Variants in AP3B1 observed in about 807,000 individuals in gnomAD.
AP3B1 encodes the protein AP-3 complex subunit beta-1.
Under a neutral mutation model 132.5 loss-of-function variants are expected in AP3B1, and 61 were observed. That is an observed-to-expected ratio of 0.46 (90% CI 0.37 to 0.57). AP3B1 has a LOEUF of 0.57. Ranked by LOEUF, AP3B1 falls within the 20% of genes least tolerant of loss-of-function variation. The pLI is 0.00. For synonymous variants in AP3B1, 388 were observed against 438.3 expected, an observed-to-expected ratio of 0.89 and a Z score of 1.43; for missense variants, 1,120 against 1,289.4, an observed-to-expected ratio of 0.87 and a Z score of 2.01.
intron 12 of AP3B1, among the ~76,000 whole-genome samples, chr5:78,163,634 A>T (rs1580429003): frequency 6.8e-6 from 1 of 147,362 alleles, no homozygotes; most frequent in African/African-American, 2.5e-5. Flanking sequence ...GTATATATAT[A>T]GTATACATAT....
At chr5:78,182,118 A>G (rs1744397586) in intron 7 of AP3B1, among the ~76,000 whole-genome samples, 1 of 152,222 alleles carries the variant, frequency 6.6e-6, no homozygotes, top group Non-Finnish European at 1.5e-5. Flanking sequence ...ACACGAAAAA[A>G]CTAGTGTTGT....
chr5:78,099,434 T>A (rs1236502491), intron 21 of AP3B1, among the ~76,000 whole-genome samples: 1 of 152,118 alleles, frequency 6.6e-6, no homozygotes, highest in African/African-American at 2.4e-5. Flanking sequence ...GAAATGTGGA[T>A]AACAAGAAGA....
At chr5:78,007,012 G>A (rs575232594) in intron 26 of AP3B1, among the ~76,000 whole-genome samples, 27 of 151,902 alleles carry the variant, frequency 1.8e-4, no homozygotes, top group Admixed American at 9.8e-4. Context: ...TATAAAAACA[G>A]ACCAAATAGC....
chr5:78,177,269 G>T, intron 9 of AP3B1, 70 bp downstream of exon 9: 1 of 1,044,206 alleles, frequency 9.6e-7, no homozygotes, highest in Non-Finnish European at 1.5e-6. Flanking sequence ...ATGCCTGAAA[G>T]ATTACATTTG....
chr5:78,229,091 C>T (rs968767560), intron 3 of AP3B1, among the ~76,000 whole-genome samples: 1 of 152,048 alleles, frequency 6.6e-6, no homozygotes, highest in African/African-American at 2.4e-5. Context: ...CACCACCACA[C>T]CCGGCTTTTT....
At chr5:78,135,716 C>A (rs1752884308) in intron 15 of AP3B1, among the ~76,000 whole-genome samples, 1 of 152,166 alleles carries the variant, frequency 6.6e-6, no homozygotes, top group Admixed American at 6.5e-5. Context: ...CTTATCACTA[C>A]ATTTAAAAGA....
intron 24 of AP3B1, among the ~76,000 whole-genome samples, chr5:78,029,740 G>A (rs534584175): frequency 3.4e-4 from 51 of 152,048 alleles, no homozygotes; most frequent in Non-Finnish European, 6.5e-4. Flanking sequence ...GGCCTCGAGG[G>A]ATCCTCCCAC....
At position 78,110,312 on chromosome 5, in the gene AP3B1, A is replaced by T. The variant is rs200189248; in HGVS notation, c.2292T>A (p.Thr764=). The change falls in exon 20 of 27, where the codon ACT becomes ACA. Residue 764 remains threonine (T), a synonymous_variant. Coordinates refer to ENST00000255194, the MANE Select transcript of AP3B1 (RefSeq NM_003664.5). ...DGEKENEKSK[T]SDSSNDESSS... is the part of the protein sequence containing the mutation. ...TAGATTCGTCATTTGAAGAATCTGA[A>T]GTTTTAGATTTTTCATTTTCCTTCT... 1 of 1,609,894 alleles carries T rather than the reference A, an allele frequency of 6.2e-7. No individual in the cohort carries two copies. The highest frequency in any genetic ancestry group is 1.1e-5 in the South Asian group (1 of 90,582).
chr5:78,058,500 A>C (rs1748909754), intron 22 of AP3B1, among the ~76,000 whole-genome samples: 1 of 145,544 alleles, frequency 6.9e-6, no homozygotes, highest in Non-Finnish European at 1.5e-5. Flanking sequence ...ACTCCATCTC[A>C]AAAAAAAAAA....
At chr5:78,199,013 T>TCTC (rs527720570) in intron 7 of AP3B1, among the ~76,000 whole-genome samples, 11 of 152,322 alleles carry the variant, frequency 7.2e-5, no homozygotes, top group African/African-American at 2.6e-4. Context: ...GCTATACACT[T>TCTC]TACATGTTTT....
At chr5:78,091,835 C>A (rs980621091) in intron 21 of AP3B1, among the ~76,000 whole-genome samples, 1 of 152,188 alleles carries the variant, frequency 6.6e-6, no homozygotes, top group African/African-American at 2.4e-5. Context: ...AGACTGAAGG[C>A]AGGGTTGGGA....
chr5:78,238,801 T>C (rs1206124763), intron 3 of AP3B1, among the ~76,000 whole-genome samples: 2 of 151,322 alleles, frequency 1.3e-5, no homozygotes, highest in South Asian at 2.1e-4. Context: ...AAAAGAATAA[T>C]AGTAGACTCA....
chr5:78,233,884 CG>C (rs768592281), intron 3 of AP3B1, among the ~76,000 whole-genome samples: 5 of 151,984 alleles, frequency 3.3e-5, no homozygotes, highest in Non-Finnish European at 7.4e-5. Flanking sequence ...GATGGCAGTC[CG>C]CAGATATTTC....
chr5:78,052,462 A>G (rs1190866736), intron 22 of AP3B1, among the ~76,000 whole-genome samples: 2 of 152,166 alleles, frequency 1.3e-5, no homozygotes, highest in East Asian at 3.8e-4. Context: ...CAAAAGTAAT[A>G]TGATTGTAAC....
chr5:78,053,359 AT>A (rs1748660875), intron 22 of AP3B1, among the ~76,000 whole-genome samples: 1 of 152,156 alleles, frequency 6.6e-6, no homozygotes, highest in Non-Finnish European at 1.5e-5. Flanking sequence ...TTTATTGAAA[AT>A]AATTTAAATA....
intron 22 of AP3B1, among the ~76,000 whole-genome samples, chr5:78,045,520 A>G (rs1171382733): frequency 1.3e-5 from 2 of 152,198 alleles, no homozygotes; most frequent in African/African-American, 4.8e-5. Context: ...ATTTTGTTCA[A>G]TAAACCGAGT....
At chr5:78,034,298 C>T (rs1421128337) in intron 24 of AP3B1, 63 bp downstream of exon 24, 1 of 1,274,736 alleles carries the variant, frequency 7.8e-7, no homozygotes, top group Non-Finnish European at 1.1e-6. Flanking sequence ...CTGTTGAAAG[C>T]TTAGTTTTTG....
intron 11 of AP3B1, among the ~76,000 whole-genome samples, chr5:78,167,927 G>A (rs1254307226): frequency 6.6e-6 from 1 of 151,162 alleles, no homozygotes; most frequent in African/African-American, 2.4e-5. Context: ...ACACTGCTTG[G>A]GTGACGGGTG....
chr5:78,277,052 A>C (rs1198811312), intron 1 of AP3B1, among the ~76,000 whole-genome samples: 1 of 152,060 alleles, frequency 6.6e-6, no homozygotes, highest in East Asian at 1.9e-4. Context: ...AAACAGACTA[A>C]CATGTTTTGC....
Sources: allele counts gnomAD v4.1 joint callset (sites outside exome capture counted in the v4.1 genomes callset), GRCh38; gene constraint gnomAD v4.1.1; transcripts MANE v1.5; gene names NCBI Gene and HGNC (gene_info 2026-07-23, HGNC 2026-07-21).